Variants in RTL1 observed in about 807,000 individuals in gnomAD.
RTL1 encodes retrotransposon Gag like 1.
For synonymous variants in RTL1, 727 were observed against 748.4 expected (o/e 0.97, Z 0.47); for missense variants, 1,681 against 1,767.5 (o/e 0.95, Z 0.88).
At position 100,882,459 on chromosome 14, in the gene RTL1, A is replaced by G; in HGVS notation, c.2330T>C (p.Phe777Ser). The G allele has an allele frequency of 6.4e-7, 1 of 1,552,062 alleles. No homozygotes were observed. The highest frequency in any genetic ancestry group is 8.7e-7 in the Non-Finnish European group (1 of 1,147,112). Reference sequence around the variant, plus strand: ...TTTGGGGGTGACGACGAAGCCCAGGAATTCCACGGTTTGGCGGTGGAACTG... The same window carrying G: ...TTTGGGGGTGACGACGAAGCCCAGGGATTCCACGGTTTGGCGGTGGAACTG... ...KSQFHRQTVE[F>S]LGFVVTPKGV... The change falls in exon 4 of 4, where the codon TTC becomes TCC. Residue 777 changes from phenylalanine to serine, a missense_variant. Physicochemically the swap from Phe to Ser is radical, Grantham distance 155. Transcript: ENST00000649591.
chr14:100,882,776 G>A lies in RTL1; in HGVS notation c.2013C>T (p.Thr671=). Reference sequence around the variant, plus strand: ...GCCCGTTCACGCTTTCCTCCACAATGGTCCCACGCAGCTCCAGTTTTGTGA... The same window carrying A: ...GCCCGTTCACGCTTTCCTCCACAATAGTCCCACGCAGCTCCAGTTTTGTGA... ...EWFTKLELRG[T]IVEESVNGHR... Residue 671 remains threonine, a synonymous_variant, in exon 4 of 4, where the codon ACC becomes ACT. Transcript: ENST00000649591. 1 of 1,551,826 alleles carries A rather than the reference G, an allele frequency of 6.4e-7. No individual in the cohort carries two copies. The highest frequency in any genetic ancestry group is 8.7e-7 in the Non-Finnish European group (1 of 1,147,038).
chr14:100,882,742 CG>C lies in RTL1; in HGVS notation c.2046del (p.Glu683LysfsTer15). The C allele has an allele frequency of 6.4e-7, 1 of 1,551,932 alleles. No individual in the cohort carries two copies. The highest frequency in any genetic ancestry group is 8.7e-7 in the Non-Finnish European group (1 of 1,147,060). On this transcript the variant is annotated frameshift_variant, in exon 4 of 4. Coordinates refer to ENST00000649591, the MANE Select transcript of RTL1 (RefSeq NM_001134888.3). LOFTEE classifies it low-confidence loss of function (END_TRUNC). The part of the protein sequence containing the change: ...IVEESVNGHR[T>X]EDVWKAAFGL... ...CCAAACGCTGCTTTCCACACATCTT[CG>C]GTGCGGTGCCCGTTCACGCTTTCCT... is the stretch of plus-strand genomic sequence containing the variant.
Position 100,881,687 on chromosome 14 carries a change from CTCT to C in RTL1, c.3099_3101del (p.Glu1034del). The C allele has an allele frequency of 1.9e-6, 3 of 1,559,080 alleles. No individual in the cohort carries two copies. The highest frequency in any genetic ancestry group is 2.6e-6 in the Non-Finnish European group (3 of 1,150,974). On this transcript the variant is annotated inframe_deletion, in exon 4 of 4. Transcript: ENST00000649591. The surrounding 1 kb of genome is among the most constrained non-coding windows in gnomAD (Gnocchi z 6.6). Reference sequence around the variant, plus strand: ...CATTGAGCTCATCCTGTTCTTCATTCTCTTCTTCCCCGGATTCCGTCGATGGAT... The same window carrying C: ...CATTGAGCTCATCCTGTTCTTCATTCTCTTCCCCGGATTCCGTCGATGGAT...
At position 100,880,579 on chromosome 14, in the gene RTL1, A is replaced by G; in HGVS notation, c.*133T>C. The G allele has an allele frequency of 4.8e-6, 7 of 1,463,458 alleles. No individual in the cohort carries two copies. In the Admixed American group the frequency reaches 7.2e-5, roughly 15 times the overall value. 90.7% of individuals were successfully genotyped at this position (1,463,458 alleles called of 1,614,324 possible). On this transcript the variant is annotated 3_prime_UTR_variant, in exon 4 of 4. Transcript: ENST00000649591. ...GTTGAAGAAGTTGTTGCCCTTCACAAGTGGGTTCCTCTTGGGTCAGGAGTG... is the reference window on the plus strand; with the variant it reads ...GTTGAAGAAGTTGTTGCCCTTCACAGGTGGGTTCCTCTTGGGTCAGGAGTG...
chr14:100,882,120 A>G lies in RTL1; in HGVS notation c.2669T>C (p.Leu890Pro). 1 of 1,558,436 alleles carries G rather than the reference A, an allele frequency of 6.4e-7. No homozygotes were observed. Residue 890 changes from leucine to proline, a missense_variant, in exon 4 of 4, where the codon CTG (leucine) becomes CCG (proline). Leu to Pro is a moderately conservative substitution (Grantham distance 98). Coordinates refer to ENST00000649591, the MANE Select transcript of RTL1 (RefSeq NM_001134888.3). ...GVTGTALHAS[L>P]IQIDDQTGKR... ...GCCGGTTTGGTCGTCGATTTGGATCAGGGAGGCGTGCAGGGCCGTGCCGGT... is the reference window on the plus strand; with the variant it reads ...GCCGGTTTGGTCGTCGATTTGGATCGGGGAGGCGTGCAGGGCCGTGCCGGT...
chr14:100,900,160 C>T (rs2038922488), intron 2 of RTL1, among the ~76,000 whole-genome samples: 1 of 152,236 alleles, frequency 6.6e-6, no homozygotes, highest in African/African-American at 2.4e-5. Context: ...TCATATTTTA[C>T]AGACTTTGGC....
chr14:100,882,974 C>A lies in RTL1; in HGVS notation c.1815G>T (p.Glu605Asp). 1 of 1,614,126 alleles carries A rather than the reference C, an allele frequency of 6.2e-7. No homozygotes were observed. Among genetic ancestry groups the A allele is most frequent in the Non-Finnish European group, 8.5e-7 (1 of 1,180,030 alleles). ...LQQAGDSDHS[E>D]TFYECPSTAP... The stretch of plus-strand genomic sequence containing the variant: ...CGGTGGAGGGACACTCGTAAAAGGT[C>A]TCGCTGTGATCACTGTCTCCAGCCT... Residue 605 changes from glutamate (E) to aspartate (D), a missense_variant, in exon 4 of 4, where the codon GAG (glutamate) becomes GAT (aspartate). Transcript: ENST00000649591.
At chr14:100,897,775 G>GGGGGGGGGGGGGGGGGGGGGGA (rs1566760917) in intron 2 of RTL1, 1 of 141,960 alleles carries the variant, frequency 7.0e-6, no homozygotes, top group African/African-American at 3.5e-5. Context: ...GGGGGGTGGG[G>GGGGGGGGGGGGGGGGGGGGGGA]GGCGGGGGGG....
chr14:100,887,190 G>A (rs984510594), intron 3 of RTL1, among the ~76,000 whole-genome samples: 1 of 151,932 alleles, frequency 6.6e-6, no homozygotes, highest in African/African-American at 2.4e-5. Context: ...ATCTCATCAG[G>A]TCACTCCTAA....
rs746223996 is a variant in RTL1, at chr14:100,883,672, C to CG, written c.1116dup (p.Glu373ArgfsTer62). 6.4e-7 allele frequency: 1 copy of CG among 1,551,470 alleles called. No individual in the cohort carries two copies. ...CAGGTCAGGTTCCGGGGGCGGGCCT[C>CG]GGGGGGCAGCCTGAGCATAGCTCTT... On this transcript the variant is annotated frameshift_variant, in exon 4 of 4. Transcript: ENST00000649591. LOFTEE classifies it low-confidence loss of function (END_TRUNC). The surrounding 1 kb of genome is among the most constrained non-coding windows in gnomAD (Gnocchi z 5.9).
Position 100,883,103 on chromosome 14 carries a change from C to G in RTL1, c.1686G>C (p.Leu562=), listed in dbSNP as rs769974976. ...LPGLPHPYSD[L]ADVFNPKEAD... ...CTTCCTTCGGGTTAAACACGTCGGC[C>G]AGGTCTGAGTATGGGTGTGGCAGTC... is the stretch of plus-strand genomic sequence containing the variant. The change falls in exon 4 of 4, where the codon CTG becomes CTC. Residue 562 remains leucine (L), a synonymous_variant. Transcript: ENST00000649591. This position sits in a 1 kb window ranked among gnomAD's most constrained non-coding sequence, Gnocchi z 5.9. The G allele has an allele frequency of 6.2e-7, 1 of 1,613,454 alleles. No homozygotes were observed. The highest frequency in any genetic ancestry group is 8.5e-7 in the Non-Finnish European group (1 of 1,179,780).
At chr14:100,892,419 G>C (rs906915624) in intron 3 of RTL1, among the ~76,000 whole-genome samples, 1 of 152,218 alleles carries the variant, frequency 6.6e-6, no homozygotes, top group Non-Finnish European at 1.5e-5. Flanking sequence ...GAAGACGGGT[G>C]TGTGAAGCCC....
chr14:100,900,615 C>A (rs1021612102), intron 2 of RTL1, among the ~76,000 whole-genome samples: 1 of 152,104 alleles, frequency 6.6e-6, no homozygotes, highest in Admixed American at 6.5e-5. Flanking sequence ...GTGTTCCCTC[C>A]GTGTCCGGCA....
chr14:100,898,401 C>T (rs2038897894), intron 2 of RTL1, among the ~76,000 whole-genome samples: 1 of 152,192 alleles, frequency 6.6e-6, no homozygotes, highest in African/African-American at 2.4e-5. Context: ...TGTTCCTTTA[C>T]CCCAGCTTCT....
Position 100,884,592 on chromosome 14 carries a change from A to G in RTL1, c.197T>C (p.Met66Thr), listed in dbSNP as rs2038670671. 6.2e-7 allele frequency: 1 copy of G among 1,612,926 alleles called. No individual in the cohort carries two copies. Among genetic ancestry groups the G allele is most frequent in the Non-Finnish European group, 8.5e-7 (1 of 1,179,428 alleles). Residue 66 changes from methionine to threonine, a missense_variant, in exon 4 of 4, where the codon ATG becomes ACG. Coordinates refer to ENST00000649591, the MANE Select transcript of RTL1 (RefSeq NM_001134888.3). The part of the protein sequence containing the change: ...KEPPSGPLQE[M>T]EELPTDLLQD... ...GAGTAGATCAGTGGGCAGCTCTTCC[A>G]TTTCCTGGAGTGGGCCACTGGGGGG...
At position 100,882,601 on chromosome 14, in the gene RTL1, A is replaced by C. The variant is rs2038634005; in HGVS notation, c.2188T>G (p.Ser730Ala). 8 of 1,551,638 alleles carry C rather than the reference A, an allele frequency of 5.2e-6. No homozygotes were observed. The highest frequency in any genetic ancestry group is 1.4e-5 in the African/African-American group (1 of 73,014). Residue 730 changes from serine to alanine, a missense_variant, in exon 4 of 4, where the codon TCT becomes GCT. By Grantham distance (99) the Ser-to-Ala change is moderately conservative (BLOSUM62 1). Transcript: ENST00000649591. The stretch of plus-strand genomic sequence containing the variant: ...TAGATCAGGACTTCCTGGCCATAAG[A>C]AAGCACAAAGAACCCTAGCATGTCC... ...LKDMLGFFVL[S>A]YGQEVLIYSM...
At chr14:100,888,884 C>T (rs995312209) in intron 3 of RTL1, among the ~76,000 whole-genome samples, 6 of 152,164 alleles carry the variant, frequency 3.9e-5, no homozygotes, top group African/African-American at 1.4e-4. Flanking sequence ...GCAAGCTCTG[C>T]AGGTTGAAAT....
At chr14:100,900,962 C>T (rs1209053422) in intron 2 of RTL1, among the ~76,000 whole-genome samples, 1 of 152,120 alleles carries the variant, frequency 6.6e-6, no homozygotes, top group Non-Finnish European at 1.5e-5. Flanking sequence ...ACAGTTTTTC[C>T]CGAAGGGCTT....
chr14:100,900,746 C>T (rs755001446), intron 2 of RTL1, among the ~76,000 whole-genome samples: 1 of 152,202 alleles, frequency 6.6e-6, no homozygotes, highest in African/African-American at 2.4e-5. Flanking sequence ...TATCCTGAAC[C>T]AGAAATCCCT....
Sources: allele counts gnomAD v4.1 joint callset (sites outside exome capture counted in the v4.1 genomes callset), GRCh38; gene constraint gnomAD v4.1.1; non-coding constraint Gnocchi (gnomAD v3.1); transcripts MANE v1.5; gene names NCBI Gene and HGNC (gene_info 2026-07-23, HGNC 2026-07-21).